GFOD2: variants seen among roughly 807,000 people sequenced by gnomAD.
GFOD2 encodes Gfo/Idh/MocA-like oxidoreductase domain containing 2.
Under a neutral mutation model 24.6 loss-of-function variants are expected in GFOD2, and 9 were observed. The ratio of observed to expected loss-of-function variants is 0.37; its 90% CI spans 0.22 to 0.64. GFOD2 has a LOEUF of 0.64. Among genes scored for constraint, GFOD2 ranks in the 30% least tolerant of loss-of-function variants. The probability of loss-of-function intolerance (pLI) is 0.65; values close to 1 mark genes in which losing one functional copy is unlikely to be tolerated. For synonymous variants in GFOD2, 211 were observed against 224.8 expected, an observed-to-expected ratio of 0.94 and a Z score of 0.55; for missense variants, 476 against 532.5, an observed-to-expected ratio of 0.89 and a Z score of 1.04.
chr16:67,688,533 G>C (rs1042047272), intron 1 of GFOD2, among the ~76,000 whole-genome samples: 23 of 152,052 alleles, frequency 1.5e-4, no homozygotes, highest in African/African-American at 5.1e-4. Flanking sequence ...AGATGTAGGT[G>C]TGCTCAGAAT....
In GFOD2 at chr16:67,688,649, T is replaced by C. The variant is rs1384743229; in HGVS notation, c.-87-2847A>G. ...CCCACTGAAACAGACAAGAGTGATG[T>C]GGGCCACATCACCGTCATTTTCTTT... On this transcript the variant is annotated intron_variant, in intron 1 of 2. Coordinates refer to ENST00000268797, the MANE Select transcript of GFOD2 (RefSeq NM_030819.4). Among the ~76,000 whole-genome samples the C allele has an allele frequency of 2.6e-5, 4 of 152,180 alleles. No individual in the cohort carries two copies. In the East Asian group the frequency reaches 7.7e-4, roughly 29 times the overall value.
At chr16:67,708,582 T>C (rs2053453442) in intron 1 of GFOD2, among the ~76,000 whole-genome samples, 1 of 152,224 alleles carries the variant, frequency 6.6e-6, no homozygotes, top group Non-Finnish European at 1.5e-5. Flanking sequence ...GCAAATTTAA[T>C]GATGGCTATT....
rs1057098333 is a variant in GFOD2 at position 67,675,378 on chromosome 16, T to C, written c.935A>G (p.Gln312Arg). ...LYLKGMVYMV[Q>R]ALRQSFQGQG... is the part of the protein sequence containing the mutation. ...CCCCTGGAAGGACTGGCGCAAGGCC[T>C]GCACCATGTAGACCATGCCCTTCAG... The change falls in exon 3 of 3, where the codon CAG becomes CGG. Residue 312 changes from glutamine to arginine, a missense_variant. Physicochemically the swap from Gln to Arg is conservative, Grantham distance 43 (BLOSUM62 1). Coordinates refer to ENST00000268797, the MANE Select transcript of GFOD2 (RefSeq NM_030819.4). 14 of 1,613,330 alleles carry C rather than the reference T, an allele frequency of 8.7e-6. No homozygotes were observed. The highest frequency in any genetic ancestry group is 5.1e-6 in the Non-Finnish European group (6 of 1,179,976).
chr16:67,676,098 A>G, intron 2 of GFOD2, 45 bp from the exon 3 acceptor site: 2 of 1,514,778 alleles, frequency 1.3e-6, no homozygotes, highest in Non-Finnish European at 8.9e-7. Context: ...TCAAGGGGGA[A>G]TCTCCAGCAT....
chr16:67,681,038 T>C (rs1256676966), intron 2 of GFOD2: 1 of 985,482 alleles, frequency 1.0e-6, no homozygotes, highest in Non-Finnish European at 1.2e-6. Context: ...CTACTGCTTC[T>C]GGAGGGTCTC....
chr16:67,705,764 C>G (rs2053434573), intron 1 of GFOD2, among the ~76,000 whole-genome samples: 1 of 151,960 alleles, frequency 6.6e-6, no homozygotes, highest in African/African-American at 2.4e-5. Flanking sequence ...CATCGTGATA[C>G]TCCGTCTCTA....
chr16:67,694,667 C>T (rs1276479614), intron 1 of GFOD2, among the ~76,000 whole-genome samples: 1 of 152,094 alleles, frequency 6.6e-6, no homozygotes, highest in Non-Finnish European at 1.5e-5. Flanking sequence ...CACAAGTGTA[C>T]TGGACTAAGA....
intron 1 of GFOD2, among the ~76,000 whole-genome samples, chr16:67,690,297 C>G (rs2053301354): frequency 6.6e-6 from 1 of 152,136 alleles, no homozygotes; most frequent in Non-Finnish European, 1.5e-5. Flanking sequence ...CAACAGCGTG[C>G]AAGACTTCTG....
At chr16:67,681,426 G>A in intron 2 of GFOD2, 1 of 984,668 alleles carries the variant, frequency 1.0e-6, no homozygotes, top group Non-Finnish European at 1.2e-6. Context: ...AAAATAGTCT[G>A]TTTTTGTTTT....
rs147858714 is a variant in GFOD2, at chr16:67,676,013, C to T, written c.300G>A (p.Ser100=). Residue 100 remains serine, a synonymous_variant, in exon 3 of 3, where the codon TCG becomes TCA. Transcript: ENST00000268797. ...CTGTCACCATCCGGAAGGCATCCAC[C>T]GATGTTGCTGCCTTCTCGCAAACCA... ...KNVVCEKAAT[S]VDAFRMVTAS... is the part of the protein sequence containing the mutation. 168 of 1,613,724 alleles carry T rather than the reference C, an allele frequency of 1.0e-4. 1 individual carries two copies. In the Middle Eastern group the frequency reaches 2.6e-3, roughly 25 times the overall value.
At chr16:67,715,736 A>G (rs185634606) in intron 1 of GFOD2, among the ~76,000 whole-genome samples, 102 of 152,328 alleles carry the variant, frequency 6.7e-4, no homozygotes, top group Non-Finnish European at 7.6e-4. Context: ...TCTCAAAAAT[A>G]GCAAAATCTC....
At chr16:67,718,679 A>C (rs1239320019) in intron 1 of GFOD2, among the ~76,000 whole-genome samples, 2 of 152,088 alleles carry the variant, frequency 1.3e-5, no homozygotes, top group African/African-American at 4.8e-5. Context: ...CCCTTCTTCC[A>C]CCTGTCAACT....
chr16:67,692,565 G>A (rs561963622), intron 1 of GFOD2, among the ~76,000 whole-genome samples: 2 of 150,086 alleles, frequency 1.3e-5, no homozygotes, highest in South Asian at 4.2e-4. Context: ...GGGTGACAGA[G>A]CAAGACTCTG....
At chr16:67,696,892 G>T (rs551095215) in intron 1 of GFOD2, among the ~76,000 whole-genome samples, 1 of 152,342 alleles carries the variant, frequency 6.6e-6, no homozygotes, top group African/African-American at 2.4e-5. Context: ...AGGCAGGCTT[G>T]CTGACTAGGT....
rs1322501834 is a variant in GFOD2 at position 67,675,113 on chromosome 16, C to T, written c.*42G>A. 1.3e-6 allele frequency: 2 copies of T among 1,568,302 alleles called. No individual in the cohort carries two copies. Among genetic ancestry groups the T allele is most frequent in the Non-Finnish European group, 1.7e-6 (2 of 1,154,558 alleles). On this transcript the variant is annotated 3_prime_UTR_variant, in exon 3 of 3. Coordinates refer to ENST00000268797, the MANE Select transcript of GFOD2 (RefSeq NM_030819.4). Reference sequence around the variant, plus strand: ...TGTCATGTCTGGCTCCTGTTCCCCTCCCTGGTCCCTCTGCCCTGTGGCAAG... The same window carrying T: ...TGTCATGTCTGGCTCCTGTTCCCCTTCCTGGTCCCTCTGCCCTGTGGCAAG...
At chr16:67,697,062 T>TA (rs2053364568) in intron 1 of GFOD2, among the ~76,000 whole-genome samples, 1 of 152,210 alleles carries the variant, frequency 6.6e-6, no homozygotes, top group African/African-American at 2.4e-5. Context: ...CAAGACCACA[T>TA]ACATTTCCCA....
rs781291314 is a variant in GFOD2 at position 67,675,244 on chromosome 16, A to C, written c.1069T>G (p.Ser357Ala). Reference protein sequence around the residue: ...VVDAIKRSSRSGEWEAVEVLT... With the variant: ...VVDAIKRSSRAGEWEAVEVLT... Reference sequence around the variant, plus strand: ...ACCTCCACAGCCTCCCACTCCCCGGATCGGCTCGACCTCTTGATGGCATCC... The same window carrying C: ...ACCTCCACAGCCTCCCACTCCCCGGCTCGGCTCGACCTCTTGATGGCATCC... Residue 357 changes from serine (S) to alanine (A), a missense_variant, in exon 3 of 3, where the codon TCC becomes GCC. Physicochemically the swap from Ser to Ala is moderately conservative, Grantham distance 99. Transcript: ENST00000268797. 3 of 1,613,280 alleles carry C rather than the reference A, an allele frequency of 1.9e-6. No individual in the cohort carries two copies. Among genetic ancestry groups the C allele is most frequent in the Non-Finnish European group, 2.5e-6 (3 of 1,180,024 alleles).
At chr16:67,718,319 G>T (rs1451430086) in intron 1 of GFOD2, among the ~76,000 whole-genome samples, 2 of 152,168 alleles carry the variant, frequency 1.3e-5, no homozygotes, top group African/African-American at 4.8e-5. Context: ...TTGCCCTCAG[G>T]ATAACATTAT....
chr16:67,696,927 T>C (rs1187192356), intron 1 of GFOD2, among the ~76,000 whole-genome samples: 6 of 152,246 alleles, frequency 3.9e-5, no homozygotes, highest in Non-Finnish European at 1.5e-5. Context: ...CAGGCAGAGC[T>C]GGTTTTCCTT....
Sources: allele counts gnomAD v4.1 joint callset (sites outside exome capture counted in the v4.1 genomes callset), GRCh38; gene constraint gnomAD v4.1.1; transcripts MANE v1.5; gene names NCBI Gene and HGNC (gene_info 2026-07-23, HGNC 2026-07-21).